Variants in TAL1 observed in about 807,000 individuals in gnomAD.
TAL1 encodes TAL bHLH transcription factor 1, erythroid differentiation factor, also known as T-cell acute lymphocytic leukemia protein 1.
Under a neutral mutation model 17.9 loss-of-function variants are expected in TAL1, and 8 were observed. That is an observed-to-expected ratio of 0.45 (90% CI 0.26 to 0.81). The LOEUF is 0.81. Among genes scored for constraint, TAL1 ranks in the 30% least tolerant of loss-of-function variants. The probability of loss-of-function intolerance (pLI) is 0.17; values close to 1 mark genes in which losing one functional copy is unlikely to be tolerated. For synonymous variants in TAL1, 223 were observed against 218.6 expected (o/e 1.02, Z -0.18); for missense variants, 466 against 486.9 (o/e 0.96, Z 0.40).
exon 4 of TAL1, chr1:47,218,036 A>AT (rs550061002): frequency 2.5e-4 from 78 of 314,732 alleles, no homozygotes; most frequent in Middle Eastern, 8.4e-4. Flanking sequence ...CTGTCTGTAC[A>AT]TGGCTGAATT....
intron 1 of TAL1, among the ~76,000 whole-genome samples, chr1:47,226,572 G>A (rs1471758775): frequency 6.6e-6 from 1 of 152,230 alleles, no homozygotes; most frequent in Non-Finnish European, 1.5e-5. Context: ...GAGTGAGGGA[G>A]TGTCTGTCTA....
At chr1:47,226,013 G>A in intron 1 of TAL1, 124 bp from the exon 3 acceptor site, 2 of 1,090,486 alleles carry the variant, frequency 1.8e-6, no homozygotes, top group Admixed American at 7.4e-5. Context: ...CGTGAGAAGA[G>A]GCAGACAAAG....
exon 4 of TAL1, chr1:47,217,879 G>A: frequency 2.5e-6 from 1 of 397,674 alleles, no homozygotes. Flanking sequence ...ACGTTGGAAA[G>A]GAACCAACCC....
chr1:47,218,494 T>C (rs1010812), exon 4 of TAL1: 7,380 of 232,744 alleles, frequency 0.032, 150 homozygotes, highest in South Asian at 0.082. Flanking sequence ...TAAACCAACC[T>C]CCCAGACGCA....
chr1:47,219,018 A>G (rs893493072), exon 4 of TAL1: 2 of 294,150 alleles, frequency 6.8e-6, no homozygotes, highest in Non-Finnish European at 1.3e-5. Flanking sequence ...CTCCACAGCC[A>G]CAGGCTTAGG....
intron 3 of TAL1, among the ~76,000 whole-genome samples, chr1:47,222,331 T>A (rs1383430302): frequency 6.6e-6 from 1 of 152,198 alleles, no homozygotes; most frequent in Non-Finnish European, 1.5e-5. Context: ...GACCCAGGAC[T>A]TAGCTGTGTG....
At chr1:47,222,264 G>A (rs1643829376) in intron 3 of TAL1, among the ~76,000 whole-genome samples, 1 of 152,306 alleles carries the variant, frequency 6.6e-6, no homozygotes, top group Middle Eastern at 3.4e-3. Context: ...AAGTGGTCAG[G>A]ACTTATTCCA....
chr1:47,220,128 C>T, exon 4 of TAL1: 1 of 1,598,856 alleles, frequency 6.3e-7, no homozygotes, highest in East Asian at 2.2e-5. Flanking sequence ...GCCGCCATCG[C>T]TCCCGGCTGT....
chr1:47,217,226 A>AG (rs1645512761), exon 4 of TAL1: 1 of 299,040 alleles, frequency 3.3e-6, no homozygotes, highest in Non-Finnish European at 6.1e-6. Context: ...CCAAAAAAAA[A>AG]AAAAAGTAAA....
chr1:47,231,498 G>A (rs1644013590), upstream of TAL1, among the ~76,000 whole-genome samples: 1 of 151,860 alleles, frequency 6.6e-6, no homozygotes, highest in Non-Finnish European at 1.5e-5. Context: ...CCCAGAAGCC[G>A]ACTTGGTCAG....
In TAL1 at chr1:47,223,986, G is replaced by A. The variant is rs1384532666; in HGVS notation, c.541+18C>T. 2 of 1,609,900 alleles carry A rather than the reference G, an allele frequency of 1.2e-6. No individual in the cohort carries two copies. Among genetic ancestry groups the A allele is most frequent in the East Asian group, 2.2e-5 (1 of 44,852 alleles). ...CAGCGTGAGGGGCAGGTACAACGGTGGGGTGGGGCAGACTCACCATCAGTA... is the reference window on the plus strand; with the variant it reads ...CAGCGTGAGGGGCAGGTACAACGGTAGGGTGGGGCAGACTCACCATCAGTA... On this transcript the variant is annotated intron_variant, in intron 3 of 3. Coordinates refer to ENST00000294339, the Ensembl canonical transcript of TAL1.
At chr1:47,223,973 C>G in intron 3 of TAL1, 31 bp downstream of exon 4, 1 of 1,597,556 alleles carries the variant, frequency 6.3e-7, no homozygotes, top group Non-Finnish European at 8.6e-7. Context: ...GCGTGAGGGG[C>G]AGGTACAACG....
chr1:47,219,876 G>A lies in TAL1; in HGVS notation c.840C>T (p.Leu280=), dbSNP rs368963644. ...AGTTGGGGGAAAGCACGTCTTGCAG[G>A]AGGTCATCTGGGGGCGCGCCGCCCC... is the stretch of plus-strand genomic sequence containing the variant. The change falls in exon 4 of 4, where the codon CTC becomes CTT. Residue 280 remains leucine (L), a synonymous_variant. Transcript: ENST00000294339. 2,266 of 1,585,320 alleles carry A rather than the reference G, an allele frequency of 1.4e-3. 52 individuals carry two copies. The South Asian group carries it at 0.025, about 17-fold the overall frequency.
chr1:47,226,520 C>T (rs1643914165), intron 1 of TAL1, among the ~76,000 whole-genome samples: 1 of 151,838 alleles, frequency 6.6e-6, no homozygotes, highest in Non-Finnish European at 1.5e-5. Context: ...GAGGAACCAG[C>T]TCCCTCCACA....
upstream of TAL1, among the ~76,000 whole-genome samples, chr1:47,231,922 T>C (rs541900854): frequency 8.6e-5 from 13 of 151,916 alleles, no homozygotes; most frequent in Non-Finnish European, 1.6e-4. Flanking sequence ...CATTTCTGTA[T>C]ATTGCGTAAG....
intron 1 of TAL1, chr1:47,228,547 C>T (rs888792466): frequency 5.6e-5 from 10 of 179,342 alleles, no homozygotes; most frequent in African/African-American, 2.4e-4. Context: ...GACAGAAGAC[C>T]CCAGGAGATT....
At chr1:47,225,992 A>C in intron 1 of TAL1, 103 bp from the exon 3 acceptor site, 1 of 1,025,260 alleles carries the variant, frequency 9.8e-7, no homozygotes, top group Non-Finnish European at 1.3e-6. Context: ...AGAGGAACTC[A>C]CGCACCGAGA....
chr1:47,230,588 C>G (rs1225538260), upstream of TAL1: 3 of 152,136 alleles, frequency 2.0e-5, no homozygotes, highest in Non-Finnish European at 2.9e-5. Context: ...TCTCTGTGTC[C>G]GTGCCTCTCT....
exon 4 of TAL1, chr1:47,217,314 G>T (rs1645515055): frequency 2.6e-6 from 1 of 389,348 alleles, no homozygotes. Flanking sequence ...CTTGAGCCCA[G>T]AGTTCAAGGC....
Sources: gnomAD v4.1 joint callset for allele counts (sites outside exome capture counted in the v4.1 genomes callset) on GRCh38, gnomAD v4.1.1 for gene constraint, MANE v1.5 for transcripts, NCBI Gene and HGNC (gene_info 2026-07-23, HGNC 2026-07-21) for gene names.